LARP4B: variants seen among roughly 807,000 people sequenced by gnomAD.
LARP4B encodes the protein la-related protein 4B.
A neutral mutation model predicts 89.8 loss-of-function variants in LARP4B; 12 were observed. The ratio of observed to expected loss-of-function variants is 0.13; its 90% CI spans 0.09 to 0.22. The LOEUF (loss-of-function observed/expected upper bound fraction) is 0.22, where lower values mean the gene tolerates loss of function less well. Among genes scored for constraint, LARP4B ranks in the 10% least tolerant of loss-of-function variants. The pLI is 1.00. For missense variants in LARP4B, 757 were observed against 947.7 expected (o/e 0.80, Z 2.64); for synonymous variants, 367 against 363.3 (o/e 1.01, Z -0.12).
intron 1 of LARP4B, among the ~76,000 whole-genome samples, chr10:909,017 A>C (rs6560859): frequency 3.3e-4 from 50 of 151,936 alleles, no homozygotes; most frequent in African/African-American, 1.2e-3. Flanking sequence ...AGTTGCGGCC[A>C]GGCGCGGTGG....
rs1831898890 is a variant in LARP4B, at chr10:814,249, A to G, written c.1929+493T>C. 6.6e-6 allele frequency among the ~76,000 whole-genome samples: 1 copy of G among 152,182 alleles called. No homozygotes were observed. The highest frequency in any genetic ancestry group is 2.1e-4 in the South Asian group (1 of 4,812). On this transcript the variant is annotated intron_variant, in intron 17 of 17. Coordinates refer to ENST00000316157, the MANE Select transcript of LARP4B (RefSeq NM_015155.3). This position sits in a 1 kb window ranked among gnomAD's most constrained non-coding sequence, Gnocchi z 4.4. ...CCAAGATCAAACTACAGAGGCCACA[A>G]CTCAGAGTAAGAGAGGCCACAGTTC...
chr10:886,656 C>A (rs935842572), intron 1 of LARP4B, among the ~76,000 whole-genome samples: 2 of 152,150 alleles, frequency 1.3e-5, no homozygotes, highest in Non-Finnish European at 2.9e-5. Context: ...GAAACCCCGT[C>A]GTATGCTATA....
intron 15 of LARP4B, 140 bp downstream of exon 15, chr10:817,585 T>C: frequency 1.3e-6 from 1 of 786,426 alleles, no homozygotes; most frequent in Non-Finnish European, 2.1e-6. Flanking sequence ...CAAATCTGTG[T>C]GACCTCTGCA....
chr10:848,547 G>C (rs139229191), intron 5 of LARP4B, among the ~76,000 whole-genome samples: 1 of 150,412 alleles, frequency 6.6e-6, no homozygotes, highest in Admixed American at 6.6e-5. Flanking sequence ...ACGAAGTCAG[G>C]TAAGGACATA....
intron 1 of LARP4B, among the ~76,000 whole-genome samples, chr10:929,242 A>C (rs930327592): frequency 3.4e-5 from 5 of 145,768 alleles, no homozygotes; most frequent in African/African-American, 1.4e-4. Context: ...AAACAAAAAA[A>C]CAAAAACAAA....
the LARP4B span, among the ~76,000 whole-genome samples, chr10:970,156 T>C: frequency 1.3e-5 from 2 of 152,230 alleles, no homozygotes; most frequent in Admixed American, 6.5e-5. Context: ...AAGAAATTAC[T>C]TTCTTGCATG....
intron 14 of LARP4B, chr10:820,520 C>T: frequency 2.5e-6 from 1 of 403,508 alleles, no homozygotes; most frequent in Non-Finnish European, 4.4e-6. Context: ...GTGTAGGCTG[C>T]AGTGCATGCG....
At chr10:902,900 C>T (rs1450203461) in intron 1 of LARP4B, among the ~76,000 whole-genome samples, 2 of 152,144 alleles carry the variant, frequency 1.3e-5, no homozygotes, top group African/African-American at 4.8e-5. Flanking sequence ...ACCTCGGCCT[C>T]GAAAAGTGCT....
At chr10:980,475 C>T in the LARP4B span, among the ~76,000 whole-genome samples, 1 of 152,250 alleles carries the variant, frequency 6.6e-6, no homozygotes. Context: ...ATTTCTCATA[C>T]ATCCTCTGAA....
chr10:928,200 C>T (rs1053428952), intron 1 of LARP4B, among the ~76,000 whole-genome samples: 4 of 148,888 alleles, frequency 2.7e-5, no homozygotes, highest in African/African-American at 5.0e-5. Flanking sequence ...CCAGCTTGGG[C>T]GACAAGAGTG....
chr10:945,007 T>C, the LARP4B span, among the ~76,000 whole-genome samples: 1 of 152,236 alleles, frequency 6.6e-6, no homozygotes, highest in Non-Finnish European at 1.5e-5. Flanking sequence ...ATGTTTCCAA[T>C]TTTTTACGTA....
At chr10:867,042 A>C (rs1370039755) in intron 3 of LARP4B, among the ~76,000 whole-genome samples, 1 of 152,202 alleles carries the variant, frequency 6.6e-6, no homozygotes, top group African/African-American at 2.4e-5. Flanking sequence ...ATAAATTTAT[A>C]TTTTCCACTA....
intron 17 of LARP4B, among the ~76,000 whole-genome samples, chr10:813,867 T>C (rs1831874392): frequency 6.7e-6 from 1 of 149,584 alleles, no homozygotes; most frequent in Non-Finnish European, 1.5e-5. Flanking sequence ...AGCAGTGCAA[T>C]CTCAGCTCAC....
chr10:874,518 T>C (rs1056618494), intron 3 of LARP4B, among the ~76,000 whole-genome samples: 7 of 152,258 alleles, frequency 4.6e-5, no homozygotes, highest in African/African-American at 1.7e-4. Context: ...GCTCATGTAC[T>C]ATGTGGTCCA....
At position 812,949 on chromosome 10, in the gene LARP4B, T is replaced by G; in HGVS notation, c.2194A>C (p.Thr732Pro). Residue 732 changes from threonine to proline, a missense_variant, in exon 18 of 18, where the codon ACT (threonine) becomes CCT (proline). By Grantham distance (38) the Thr-to-Pro change is conservative (BLOSUM62 -1). This residue lies in a region of LARP4B where 387 missense variants were observed against 423.6 expected (regional missense o/e 0.91). Transcript: ENST00000316157. The part of the protein sequence containing the change: ...MGKRLSREQS[T>P]PPKSPQ ...TTTCACTGAGGAGACTTGGGGGGAG[T>G]GCTCTGCTCTCGGCTGAGACGCTTC... 6.5e-7 allele frequency: 1 copy of G among 1,549,404 alleles called. No homozygotes were observed. Among genetic ancestry groups the G allele is most frequent in the East Asian group, 2.3e-5 (1 of 44,384 alleles).
At chr10:840,028 T>A (rs1219038392) in intron 7 of LARP4B, among the ~76,000 whole-genome samples, 1 of 151,800 alleles carries the variant, frequency 6.6e-6, no homozygotes, top group Admixed American at 6.6e-5. Flanking sequence ...TGATATTGCA[T>A]AATCGACTCC....
chr10:867,709 A>C (rs1834978827), intron 3 of LARP4B, among the ~76,000 whole-genome samples: 1 of 151,672 alleles, frequency 6.6e-6, no homozygotes, highest in South Asian at 2.1e-4. Flanking sequence ...GAAAATACAA[A>C]AGTTAGCTGG....
At chr10:828,585 C>T (rs994699605) in intron 11 of LARP4B, among the ~76,000 whole-genome samples, 6 of 152,192 alleles carry the variant, frequency 3.9e-5, no homozygotes, top group Non-Finnish European at 7.3e-5. Flanking sequence ...TAGTCCACAG[C>T]GAAACCCTGG....
chr10:970,334 A>C, the LARP4B span, among the ~76,000 whole-genome samples: 3 of 152,340 alleles, frequency 2.0e-5, no homozygotes, highest in Admixed American at 2.0e-4. Context: ...AGCTCCTGCC[A>C]CAGGGCAGAA....
Sources: gnomAD v4.1 joint callset for allele counts (sites outside exome capture counted in the v4.1 genomes callset) on GRCh38, gnomAD v4.1.1 for gene constraint, gnomAD v4.1.1 regional missense constraint, Gnocchi (gnomAD v3.1) non-coding constraint, MANE v1.5 for transcripts, NCBI Gene and HGNC (gene_info 2026-07-23, HGNC 2026-07-21) for gene names.